The following CACNG3 variants were observed in gnomAD, a reference collection of about 807,000 sequenced individuals.
The protein encoded by CACNG3 is voltage-dependent calcium channel gamma-3 subunit.
In CACNG3, 3 loss-of-function variants were observed where a neutral mutation model predicts 28.5. The ratio of observed to expected loss-of-function variants is 0.11; its 90% CI spans 0.05 to 0.27. The LOEUF is 0.27. Among genes scored for constraint, CACNG3 ranks in the 10% least tolerant of loss-of-function variants. The probability of loss-of-function intolerance (pLI) is 1.00; values close to 1 mark genes in which losing one functional copy is unlikely to be tolerated. For synonymous variants in CACNG3, 174 were observed against 162.2 expected (o/e 1.07, Z -0.55); for missense variants, 236 against 414.4 (o/e 0.57, Z 3.74).
intron 1 of CACNG3, among the ~76,000 whole-genome samples, chr16:24,298,710 G>A (rs1479296671): frequency 6.6e-6 from 1 of 152,026 alleles, no homozygotes; most frequent in Admixed American, 6.6e-5. Flanking sequence ...TCCTTTTTCT[G>A]ATCCAGGATC....
Position 24,274,007 on chromosome 16 carries a change from T to A in CACNG3, c.211+17042T>A, listed in dbSNP as rs140478188. ...AACCTCACCAGCTTGGCCAATATGG[T>A]GCAACCTCTTCTGTACTAAAAATAC... On this transcript the variant is annotated intron_variant, in intron 1 of 3. Transcript: ENST00000005284. 9.7e-4 allele frequency among the ~76,000 whole-genome samples: 147 copies of A among 152,126 alleles called. 1 individual carries two copies. The highest frequency in any genetic ancestry group is 3.3e-3 in the African/African-American group (138 of 41,516).
intron 1 of CACNG3, among the ~76,000 whole-genome samples, chr16:24,323,073 T>C (rs1006045900): frequency 4.6e-5 from 7 of 151,894 alleles, no homozygotes; most frequent in Admixed American, 4.6e-4. Context: ...AAAAAACTTT[T>C]TAAACTAGCT....
At chr16:24,306,447 C>T (rs567777048) in intron 1 of CACNG3, among the ~76,000 whole-genome samples, 12 of 152,204 alleles carry the variant, frequency 7.9e-5, no homozygotes, top group Admixed American at 1.3e-4. Context: ...CCCCAAAAGA[C>T]AGGGGACGCC....
intron 1 of CACNG3, among the ~76,000 whole-genome samples, chr16:24,309,225 A>G (rs923934894): frequency 3.3e-5 from 5 of 152,364 alleles, no homozygotes; most frequent in African/African-American, 1.2e-4. Context: ...CAAATAAATG[A>G]CATCTACTGC....
At chr16:24,358,169 A>G (rs1208079356) in intron 3 of CACNG3, among the ~76,000 whole-genome samples, 1 of 152,158 alleles carries the variant, frequency 6.6e-6, no homozygotes, top group Non-Finnish European at 1.5e-5. Flanking sequence ...ATCGGTAAAT[A>G]AGAGTGCTGG....
chr16:24,279,674 A>G (rs1444445456), intron 1 of CACNG3, among the ~76,000 whole-genome samples: 2 of 152,166 alleles, frequency 1.3e-5, no homozygotes, highest in Non-Finnish European at 2.9e-5. Context: ...AATCCTATAT[A>G]AGGGAGATGG....
At chr16:24,300,292 G>A (rs1017649775) in intron 1 of CACNG3, among the ~76,000 whole-genome samples, 17 of 152,142 alleles carry the variant, frequency 1.1e-4, no homozygotes, top group South Asian at 1.0e-3. Context: ...GTGGGCTCTC[G>A]AATCTGTACA....
In CACNG3 at chr16:24,287,284, G is replaced by A. The variant is rs138773860; in HGVS notation, c.211+30319G>A. ...TGTGATCCAAGCACTTTGGGAGGCC[G>A]AGGCGGGTGGATCACTTGAGGCCAG... On this transcript the variant is annotated intron_variant, in intron 1 of 3. Transcript: ENST00000005284. 4.6e-5 allele frequency among the ~76,000 whole-genome samples: 7 copies of A among 152,206 alleles called. No homozygotes were observed. The East Asian group carries it at 5.8e-4, about 13-fold the overall frequency.
At chr16:24,286,684 T>C (rs773097386) in intron 1 of CACNG3, among the ~76,000 whole-genome samples, 4 of 152,206 alleles carry the variant, frequency 2.6e-5, no homozygotes, top group Non-Finnish European at 5.9e-5. Context: ...CTTACTCTCA[T>C]AGTTATGTAA....
intron 1 of CACNG3, among the ~76,000 whole-genome samples, chr16:24,291,528 A>G (rs970247838): frequency 6.6e-6 from 1 of 152,192 alleles, no homozygotes; most frequent in Non-Finnish European, 1.5e-5. Context: ...GGGGCATATA[A>G]GGACCTGGGG....
intron 3 of CACNG3, among the ~76,000 whole-genome samples, chr16:24,356,121 C>T (rs765782464): frequency 6.6e-5 from 10 of 152,122 alleles, no homozygotes; most frequent in East Asian, 1.9e-4. Context: ...TACCCCACTC[C>T]TCTTGGGGTG....
chr16:24,359,058 C>T (rs576053311), intron 3 of CACNG3, among the ~76,000 whole-genome samples: 1 of 152,170 alleles, frequency 6.6e-6, no homozygotes, highest in South Asian at 2.1e-4. Context: ...TTTCCTTCCC[C>T]ACTCCCCGCC....
At position 24,256,627 on chromosome 16, in the gene CACNG3, T is replaced by C; in HGVS notation, c.-128T>C. On this transcript the variant is annotated 5_prime_UTR_variant, in exon 1 of 4. An upstream start codon of the reference 5' UTR is lost. Coordinates refer to ENST00000005284, the MANE Select transcript of CACNG3 (RefSeq NM_006539.4). The surrounding 1 kb of genome is among the most constrained non-coding windows in gnomAD (Gnocchi z 4.6). ...CCAGCTTTCCCAAAGTCCCTGTGGA[T>C]GCTGACAAAAGGAGACCTGAATTTT... The C allele has an allele frequency of 1.4e-6, 1 of 691,764 alleles. No homozygotes were observed. Among genetic ancestry groups the C allele is most frequent in the Non-Finnish European group, 2.6e-6 (1 of 380,754 alleles). 42.9% of individuals were successfully genotyped at this position (691,764 alleles called of 1,614,324 possible). A position where few individuals can be genotyped will look rare whatever the true frequency, so the allele number is the denominator to read the frequency against.
At chr16:24,316,476 G>C (rs1246856196) in intron 1 of CACNG3, among the ~76,000 whole-genome samples, 1 of 152,136 alleles carries the variant, frequency 6.6e-6, no homozygotes, top group East Asian at 1.9e-4. Flanking sequence ...TCCTCAGTGA[G>C]ACAAAGCTCC....
chr16:24,352,640 G>A (rs1899967975), intron 2 of CACNG3, among the ~76,000 whole-genome samples: 1 of 151,970 alleles, frequency 6.6e-6, no homozygotes, highest in African/African-American at 2.4e-5. Context: ...CTGGGCTTAA[G>A]TGATCCTCCT....
At chr16:24,280,894 AC>A (rs1898818366) in intron 1 of CACNG3, among the ~76,000 whole-genome samples, 1 of 150,794 alleles carries the variant, frequency 6.6e-6, no homozygotes, top group Non-Finnish European at 1.5e-5. Context: ...GTCTGAGGTC[AC>A]AATAGAACAA....
chr16:24,307,033 A>T (rs1194850811), intron 1 of CACNG3, among the ~76,000 whole-genome samples: 1 of 152,188 alleles, frequency 6.6e-6, no homozygotes, highest in Non-Finnish European at 1.5e-5. Flanking sequence ...CCCGCTTCCC[A>T]GAGGCTTCCC....
Position 24,361,845 on chromosome 16 carries a change from G to A in CACNG3, c.930G>A (p.Arg310=), listed in dbSNP as rs899225129. 6.2e-7 allele frequency: 1 copy of A among 1,608,456 alleles called. No individual in the cohort carries two copies. Among genetic ancestry groups the A allele is most frequent in the Non-Finnish European group, 8.5e-7 (1 of 1,179,326 alleles). ...KESLHNNPAN[R]RTTPV is the part of the protein sequence containing the mutation. ...CACTGCATAATAATCCGGCCAACAG[G>A]CGCACCACGCCCGTCTGAACTGACC... The change falls in exon 4 of 4, where the codon AGG becomes AGA. Residue 310 remains arginine (R), a synonymous_variant. Coordinates refer to ENST00000005284, the MANE Select transcript of CACNG3 (RefSeq NM_006539.4). This position sits in a 1 kb window ranked among gnomAD's most constrained non-coding sequence, Gnocchi z 6.8.
chr16:24,312,991 G>GAAATA (rs1438157896), intron 1 of CACNG3, among the ~76,000 whole-genome samples: 3 of 145,320 alleles, frequency 2.1e-5, no homozygotes, highest in Non-Finnish European at 3.0e-5. Flanking sequence ...ATAAAAGAAA[G>GAAATA]AAAGAAAGAA....
Sources: allele counts gnomAD v4.1 joint callset (sites outside exome capture counted in the v4.1 genomes callset), GRCh38; gene constraint gnomAD v4.1.1; non-coding constraint Gnocchi (gnomAD v3.1); transcripts MANE v1.5; gene names NCBI Gene and HGNC (gene_info 2026-07-23, HGNC 2026-07-21).